Variants in NEO1 observed in about 807,000 individuals in gnomAD.
NEO1 encodes the protein neogenin 1.
NEO1 carries 63 observed loss-of-function variants against 159.7 expected under a neutral mutation model. The observed-to-expected ratio is 0.39, with a 90% CI of 0.32 to 0.49. The LOEUF is 0.49. NEO1 is among the 20% of genes least tolerant of loss of function. The pLI is 0.85. For synonymous variants in NEO1, 633 were observed against 662.0 expected (o/e 0.96, Z 0.67); for missense variants, 1,615 against 1,831.0 (o/e 0.88, Z 2.15).
At chr15:73,141,001 G>A (rs1467955692) in intron 5 of NEO1, among the ~76,000 whole-genome samples, 3 of 152,124 alleles carry the variant, frequency 2.0e-5, no homozygotes, top group Non-Finnish European at 4.4e-5. Flanking sequence ...CTTCTGGTGT[G>A]TTTATGTTCA....
In NEO1 at chr15:73,093,620, C is replaced by T. The variant is rs551827218; in HGVS notation, c.131-22920C>T. On this transcript the variant is annotated intron_variant, in intron 1 of 28. Coordinates refer to ENST00000261908, the MANE Select transcript of NEO1 (RefSeq NM_002499.4). ...ACAAGGTCGTGCTCTGTCACCCAGG[C>T]TGGAGTGCAGTGACATGCTTACAGC... Among the ~76,000 whole-genome samples the T allele has an allele frequency of 4.0e-5, 6 of 151,488 alleles. No individual in the cohort carries two copies. In the South Asian group the frequency reaches 1.3e-3, roughly 32 times the overall value.
At chr15:73,270,922 C>G (rs1310523251) in intron 18 of NEO1, among the ~76,000 whole-genome samples, 1 of 152,166 alleles carries the variant, frequency 6.6e-6, no homozygotes, top group Admixed American at 6.5e-5. Flanking sequence ...GATGACTAAG[C>G]AAATTAAAGA....
chr15:73,203,948 A>G (rs2037060850), intron 7 of NEO1, among the ~76,000 whole-genome samples: 1 of 151,968 alleles, frequency 6.6e-6, no homozygotes, highest in Admixed American at 6.6e-5. Flanking sequence ...TGTAAATCCA[A>G]GTTTCTGACC....
Position 73,305,164 on chromosome 15 carries a change from T to C in NEO1, c.*2468T>C, listed in dbSNP as rs2042741278. ...TTTTAAAAACGATTTCATGTTTTTA[T>C]TTAGTATTGGAAATCCAATACACTT... is the stretch of plus-strand genomic sequence containing the variant. On this transcript the variant is annotated 3_prime_UTR_variant, in exon 29 of 29. Transcript: ENST00000261908. The C allele has an allele frequency of 6.6e-6, 1 of 152,140 alleles. No homozygotes were observed. The highest frequency in any genetic ancestry group is 2.1e-4 in the South Asian group (1 of 4,824). The allele number at this position is 152,140 out of a possible 1,614,324, so 9.4% of individuals were successfully genotyped here.
intron 1 of NEO1, among the ~76,000 whole-genome samples, chr15:73,071,542 T>G (rs764069314): frequency 1.2e-4 from 18 of 152,144 alleles, no homozygotes; most frequent in African/African-American, 3.9e-4. Flanking sequence ...TTGTTTGTTT[T>G]TTTGAGACAG....
intron 7 of NEO1, among the ~76,000 whole-genome samples, chr15:73,224,978 C>T (rs1188654191): frequency 6.6e-6 from 1 of 152,132 alleles, no homozygotes; most frequent in Non-Finnish European, 1.5e-5. Flanking sequence ...TGTTCAGGTA[C>T]TTTGGTCCCA....
At chr15:73,104,774 C>T (rs1438813596) in intron 1 of NEO1, among the ~76,000 whole-genome samples, 1 of 152,140 alleles carries the variant, frequency 6.6e-6, no homozygotes, top group Non-Finnish European at 1.5e-5. Context: ...ACAAAACTTA[C>T]AGTAATGGTG....
chr15:73,118,222 A>G (rs1335027819), intron 2 of NEO1, among the ~76,000 whole-genome samples: 5 of 151,876 alleles, frequency 3.3e-5, no homozygotes, highest in Non-Finnish European at 7.4e-5. Flanking sequence ...TTCCCTCACC[A>G]CAGCCTTATA....
chr15:73,111,412 G>C (rs2070983022), intron 1 of NEO1, among the ~76,000 whole-genome samples: 1 of 152,064 alleles, frequency 6.6e-6, no homozygotes, highest in Admixed American at 6.6e-5. Flanking sequence ...CTATATTTCT[G>C]CTTAAGTAAT....
intron 7 of NEO1, among the ~76,000 whole-genome samples, chr15:73,183,528 G>A (rs1315935397): frequency 1.3e-5 from 2 of 152,144 alleles, no homozygotes; most frequent in Non-Finnish European, 2.9e-5. Context: ...TTTACTACTA[G>A]GGGAAGAGTA....
rs117124690 is a variant in NEO1 at position 73,119,347 on chromosome 15, A to C, written c.448+2490A>C. Among the ~76,000 whole-genome samples the C allele has an allele frequency of 6.2e-3, 946 of 152,332 alleles. 8 individuals carry two copies. The highest frequency in any genetic ancestry group is 1.0e-2 in the Non-Finnish European group (677 of 68,028). On this transcript the variant is annotated intron_variant, in intron 2 of 28. Transcript: ENST00000261908. ...GACTTAGAGTTTTTTGGTTGCAAGCAGTAGAAACTGATTGTAGCCAAGTCA... is the reference window on the plus strand; with the variant it reads ...GACTTAGAGTTTTTTGGTTGCAAGCCGTAGAAACTGATTGTAGCCAAGTCA...
Position 73,298,356 on chromosome 15 carries a change from C to T in NEO1, c.3910C>T (p.Arg1304Ter), listed in dbSNP as rs1194933780. The change falls in exon 27 of 29, where the codon CGA becomes TGA. Residue 1304 changes from arginine (R) to a stop codon, truncating the protein, a stop_gained. Coordinates refer to ENST00000261908, the MANE Select transcript of NEO1 (RefSeq NM_002499.4). LOFTEE classifies it high-confidence loss of function. ...SDRANSTESV[R>*]NTPSTDTMPA... ...AGACTTTCCTGCTGTAGAATCCGTT[C>T]GAAATACCCCCAGCACTGACACCAT... 2.5e-6 allele frequency: 4 copies of T among 1,613,822 alleles called. No homozygotes were observed. The highest frequency in any genetic ancestry group is 3.4e-6 in the Non-Finnish European group (4 of 1,179,860).
chr15:73,152,671 GT>G (rs1241139591), intron 5 of NEO1, among the ~76,000 whole-genome samples: 2 of 152,172 alleles, frequency 1.3e-5, no homozygotes, highest in East Asian at 3.8e-4. Context: ...CTTGTAACCG[GT>G]TGGGGGTGGG....
intron 1 of NEO1, among the ~76,000 whole-genome samples, chr15:73,074,380 TCTGA>T (rs1037585673): frequency 2.3e-4 from 35 of 152,324 alleles, no homozygotes; most frequent in East Asian, 9.6e-4. Flanking sequence ...TTCTAATCTC[TCTGA>T]CTGTTTTGTT....
intron 7 of NEO1, among the ~76,000 whole-genome samples, chr15:73,227,284 T>G (rs1017597571): frequency 6.6e-6 from 1 of 152,092 alleles, no homozygotes; most frequent in Non-Finnish European, 1.5e-5. Flanking sequence ...TCACTTGAGG[T>G]CAGGAGTTCG....
chr15:73,183,590 C>T (rs1450444253), intron 7 of NEO1, among the ~76,000 whole-genome samples: 2 of 152,144 alleles, frequency 1.3e-5, no homozygotes, highest in African/African-American at 2.4e-5. Flanking sequence ...TTGACTGCCA[C>T]AGGAAGAAGA....
At chr15:73,204,341 C>T (rs1336974232) in intron 7 of NEO1, among the ~76,000 whole-genome samples, 1 of 151,924 alleles carries the variant, frequency 6.6e-6, no homozygotes, top group African/African-American at 2.4e-5. Flanking sequence ...CTCTCAGCTT[C>T]TTGGATCTGT....
At chr15:73,088,351 T>A (rs2069482801) in intron 1 of NEO1, among the ~76,000 whole-genome samples, 1 of 151,776 alleles carries the variant, frequency 6.6e-6, no homozygotes, top group South Asian at 2.1e-4. Context: ...AATGATGAAA[T>A]ATGGTCTGGA....
At chr15:73,226,095 A>C (rs1049182553) in intron 7 of NEO1, among the ~76,000 whole-genome samples, 1 of 152,190 alleles carries the variant, frequency 6.6e-6, no homozygotes, top group Non-Finnish European at 1.5e-5. Context: ...GGAGAGGAGA[A>C]TCTCCCTTTC....
Sources: gnomAD v4.1 joint callset for allele counts (sites outside exome capture counted in the v4.1 genomes callset) on GRCh38, gnomAD v4.1.1 for gene constraint, MANE v1.5 for transcripts, NCBI Gene and HGNC (gene_info 2026-07-23, HGNC 2026-07-21) for gene names.